KAZN: variants seen among roughly 807,000 people sequenced by gnomAD.
KAZN encodes kazrin.
A neutral mutation model predicts 87.4 loss-of-function variants in KAZN; 40 were observed. The ratio of observed to expected loss-of-function variants is 0.46; its 90% CI spans 0.36 to 0.60. KAZN has a LOEUF of 0.60. KAZN is among the 20% of genes least tolerant of loss of function. The pLI is 0.00. For missense variants in KAZN, 898 were observed against 1,073.9 expected, an observed-to-expected ratio of 0.84 and a Z score of 2.29; for synonymous variants, 466 against 458.3, an observed-to-expected ratio of 1.02 and a Z score of -0.22.
intron 1 of KAZN, among the ~76,000 whole-genome samples, chr1:14,633,541 T>C (rs1343445255): frequency 1.2e-4 from 18 of 152,188 alleles, no homozygotes; most frequent in Admixed American, 1.2e-3. Flanking sequence ...CATCTTGATT[T>C]TAGCCCCCAA....
At chr1:14,363,798 T>C (rs980204045) in intron 2 of KAZN, among the ~76,000 whole-genome samples, 1 of 152,200 alleles carries the variant, frequency 6.6e-6, no homozygotes, top group Non-Finnish European at 1.5e-5. Flanking sequence ...AGAAGAAGTT[T>C]GTTACCCCCT....
chr1:15,066,241 T>A lies in KAZN; in HGVS notation c.1222+488T>A. On this transcript the variant is annotated intron_variant, in intron 8 of 14. Transcript: ENST00000376030. This position sits in a 1 kb window ranked among gnomAD's most constrained non-coding sequence, Gnocchi z 4.3. ...GCTGTGTATTTGTAAATAACAAAAC[T>A]ATTGTGCACTCTGTGCTTGTAAATG... The A allele has an allele frequency of 7.1e-6, 7 of 987,390 alleles. No homozygotes were observed. The highest frequency in any genetic ancestry group is 9.3e-5 in the South Asian group (2 of 21,432). The allele number at this position is 987,390 out of a possible 1,614,324, so 61.2% of individuals were successfully genotyped here. A position where few individuals can be genotyped will look rare whatever the true frequency, so the allele number is the denominator to read the frequency against.
At chr1:14,999,179 T>C (rs2311973) in intron 2 of KAZN, among the ~76,000 whole-genome samples, 30,268 of 152,062 alleles carry the variant, frequency 0.2, 3,352 homozygotes, top group African/African-American at 0.29. Context: ...GATGGAGACC[T>C]TGTCTCTAAA....
chr1:14,447,254 A>ATTG (rs892780033), intron 2 of KAZN, among the ~76,000 whole-genome samples: 1 of 132,954 alleles, frequency 7.5e-6, no homozygotes, highest in African/African-American at 2.7e-5. Flanking sequence ...TATTATTATT[A>ATTG]TTGAGGCAGA....
intron 1 of KAZN, among the ~76,000 whole-genome samples, chr1:14,788,491 C>T (rs2100677977): frequency 6.6e-6 from 1 of 152,174 alleles, no homozygotes; most frequent in Non-Finnish European, 1.5e-5. Context: ...AGTCTCTGTC[C>T]AAGAAGATCG....
chr1:14,422,173 A>G (rs983878344), intron 2 of KAZN, among the ~76,000 whole-genome samples: 6 of 152,204 alleles, frequency 3.9e-5, no homozygotes, highest in African/African-American at 1.4e-4. Context: ...TTAAACTTAA[A>G]TTGAATTCTG....
chr1:14,368,567 T>C (rs925493843), intron 2 of KAZN, among the ~76,000 whole-genome samples: 4 of 152,202 alleles, frequency 2.6e-5, no homozygotes, highest in African/African-American at 7.2e-5. Flanking sequence ...GCTTTCTTGA[T>C]AGCTCAGATG....
chr1:14,163,695 T>G (rs1188634825), intron 1 of KAZN, among the ~76,000 whole-genome samples: 1 of 152,190 alleles, frequency 6.6e-6, no homozygotes, highest in Non-Finnish European at 1.5e-5. Context: ...AACAACCACA[T>G]CACCATCACC....
chr1:15,034,970 C>T (rs1264101945), intron 3 of KAZN, 85 bp downstream of exon 3: 3 of 1,511,438 alleles, frequency 2.0e-6, no homozygotes, highest in Admixed American at 1.7e-5. Flanking sequence ...ACAGGCTCTG[C>T]CTCTTGAATC....
At chr1:14,303,405 G>A (rs147101467) in intron 2 of KAZN, among the ~76,000 whole-genome samples, 26 of 152,194 alleles carry the variant, frequency 1.7e-4, no homozygotes, top group African/African-American at 5.5e-4. Flanking sequence ...CACCACACCC[G>A]GCTAATTTTT....
chr1:14,409,314 CAA>C (rs967371675), intron 2 of KAZN, among the ~76,000 whole-genome samples: 3 of 152,170 alleles, frequency 2.0e-5, no homozygotes, highest in African/African-American at 7.2e-5. Context: ...GTCTTAGACT[CAA>C]GAGCAATGAG....
At chr1:14,685,809 A>G (rs1640919320) in intron 1 of KAZN, among the ~76,000 whole-genome samples, 3 of 152,230 alleles carry the variant, frequency 2.0e-5, no homozygotes, top group Admixed American at 2.0e-4. Context: ...CACTCACTTT[A>G]GAGAATCCCC....
At chr1:14,000,558 A>T (rs1029598834) in intron 1 of KAZN, among the ~76,000 whole-genome samples, 1 of 152,200 alleles carries the variant, frequency 6.6e-6, no homozygotes, top group Non-Finnish European at 1.5e-5. Flanking sequence ...TCTCAAAATA[A>T]TAAGAGCTAT....
chr1:14,273,640 G>A (rs904889036), intron 2 of KAZN, among the ~76,000 whole-genome samples: 3 of 152,160 alleles, frequency 2.0e-5, no homozygotes, highest in Admixed American at 6.5e-5. Flanking sequence ...AATATCCTGT[G>A]TTCCCCACCT....
At chr1:14,811,642 A>G (rs1646412845) in intron 1 of KAZN, among the ~76,000 whole-genome samples, 1 of 152,176 alleles carries the variant, frequency 6.6e-6, no homozygotes, top group African/African-American at 2.4e-5. Context: ...CTATTTTACT[A>G]AATTCTATCA....
intron 1 of KAZN, among the ~76,000 whole-genome samples, chr1:14,120,667 G>A (rs1004522869): frequency 3.9e-5 from 6 of 152,154 alleles, no homozygotes; most frequent in Non-Finnish European, 7.4e-5. Context: ...AGGAGGTAGG[G>A]AGGGAAGATT....
intron 1 of KAZN, among the ~76,000 whole-genome samples, chr1:14,127,471 C>T (rs560469180): frequency 3.2e-4 from 48 of 150,876 alleles, no homozygotes; most frequent in Non-Finnish European, 5.6e-4. Flanking sequence ...ACACTGGAGC[C>T]GTGGTAAAGC....
At chr1:14,651,543 A>G (rs893169753) in intron 1 of KAZN, among the ~76,000 whole-genome samples, 4 of 152,198 alleles carry the variant, frequency 2.6e-5, no homozygotes, top group African/African-American at 9.7e-5. Flanking sequence ...TTAGCCCCAT[A>G]GTGGACCCTG....
At chr1:14,693,778 G>C (rs1174322535) in intron 1 of KAZN, among the ~76,000 whole-genome samples, 1 of 152,202 alleles carries the variant, frequency 6.6e-6, no homozygotes, top group African/African-American at 2.4e-5. Context: ...TTTCAGGGAA[G>C]GGACCAGATA....
Sources: gnomAD v4.1 joint callset for allele counts (sites outside exome capture counted in the v4.1 genomes callset) on GRCh38, gnomAD v4.1.1 for gene constraint, Gnocchi (gnomAD v3.1) non-coding constraint, MANE v1.5 for transcripts, NCBI Gene and HGNC (gene_info 2026-07-23, HGNC 2026-07-21) for gene names.